The following CYP11A1 variants were observed in gnomAD, a reference collection of about 807,000 sequenced individuals.
The protein encoded by CYP11A1 is cytochrome P450 family 11 subfamily A member 1, also known as cholesterol side-chain cleavage enzyme, mitochondrial.
In CYP11A1, 25 loss-of-function variants were observed where a neutral mutation model predicts 51.9. The observed-to-expected ratio is 0.48, with a 90% CI of 0.35 to 0.67. The LOEUF (loss-of-function observed/expected upper bound fraction) is 0.67. Among genes scored for constraint, CYP11A1 ranks in the 30% least tolerant of loss-of-function variants. The pLI is 0.00. For missense variants in CYP11A1, 578 were observed against 680.9 expected (o/e 0.85, Z 1.68); for synonymous variants, 245 against 262.1 (o/e 0.93, Z 0.63).
intron 7 of CYP11A1, 32 bp from the exon 8 acceptor site, chr15:74,338,800 C>T (rs995747544): frequency 3.1e-6 from 5 of 1,592,042 alleles, no homozygotes; most frequent in Non-Finnish European, 4.3e-6. Context: ...CCTGAGTAAG[C>T]CCCACTTCCC....
chr15:74,343,608 A>T (rs1362905464), intron 4 of CYP11A1, among the ~76,000 whole-genome samples, 181 bp downstream of exon 4: 2 of 152,120 alleles, frequency 1.3e-5, no homozygotes, highest in African/African-American at 4.8e-5. Flanking sequence ...AATAATCCCC[A>T]ACAGCCAGCC....
intron 1 of CYP11A1, among the ~76,000 whole-genome samples, chr15:74,355,083 T>C (rs977623758): frequency 6.6e-6 from 1 of 151,844 alleles, no homozygotes; most frequent in African/African-American, 2.4e-5. Context: ...GGGGCAGGCA[T>C]CCCCCACACC....
intron 1 of CYP11A1, among the ~76,000 whole-genome samples, chr15:74,353,939 C>T (rs2060666328): frequency 6.6e-6 from 1 of 152,102 alleles, no homozygotes; most frequent in Non-Finnish European, 1.5e-5. Flanking sequence ...GCTTTTTTAT[C>T]CTTAAACTAA....
In CYP11A1 at chr15:74,367,485, G is replaced by C; in HGVS notation, c.101C>G (p.Thr34Ser). 1.2e-6 allele frequency: 2 copies of C among 1,614,224 alleles called. No individual in the cohort carries two copies. The highest frequency in any genetic ancestry group is 8.5e-7 in the Non-Finnish European group (1 of 1,180,028). The change falls in exon 1 of 9, where the codon ACT (threonine) becomes AGT (serine). Residue 34 changes from threonine to serine, a missense_variant. Coordinates refer to ENST00000268053, the MANE Select transcript of CYP11A1 (RefSeq NM_000781.3). ...REGLGRLRVP[T>S]GEGAGISTRS... Reference sequence around the variant, plus strand: ...GGTGGAGATGCCAGCTCCCTCGCCAGTGGGCACCCTGAGACGCCCCAGCCC... The same window carrying C: ...GGTGGAGATGCCAGCTCCCTCGCCACTGGGCACCCTGAGACGCCCCAGCCC...
chr15:74,344,850 G>A lies in CYP11A1; in HGVS notation c.625+194C>T, dbSNP rs116566189. 498 of 656,578 alleles carry A rather than the reference G, an allele frequency of 7.6e-4. 2 individuals are homozygous for A. In the African/African-American group the frequency reaches 7.9e-3, roughly 10 times the overall value. The allele number at this position is 656,578 out of a possible 1,614,324, so 40.7% of individuals were successfully genotyped here. A position where few individuals can be genotyped will look rare whatever the true frequency, so the allele number is the denominator to read the frequency against. ...CCAGATGAGAGAACCCCAGAGCAAG[G>A]GGTCTCACTCTGTTGCCCAGGGTGG... On this transcript the variant is annotated intron_variant, in intron 3 of 8. Coordinates refer to ENST00000268053, the MANE Select transcript of CYP11A1 (RefSeq NM_000781.3).
chr15:74,340,475 T>C (rs988762204), intron 5 of CYP11A1, among the ~76,000 whole-genome samples: 1 of 152,158 alleles, frequency 6.6e-6, no homozygotes, highest in Non-Finnish European at 1.5e-5. Flanking sequence ...GACTAGGACA[T>C]GGGTTGTTGA....
intron 1 of CYP11A1, chr15:74,363,760 A>T (rs1056801618): frequency 6.6e-6 from 1 of 152,374 alleles, no homozygotes; most frequent in East Asian, 1.9e-4. Context: ...TATAAATGAC[A>T]TGCTGAGACC....
chr15:74,339,871 T>A, intron 5 of CYP11A1, 118 bp from the exon 6 acceptor site: 1 of 954,432 alleles, frequency 1.0e-6, no homozygotes, highest in Non-Finnish European at 1.6e-6. Flanking sequence ...CCGAACCCCA[T>A]CCCAGTCTCC....
intron 3 of CYP11A1, among the ~76,000 whole-genome samples, chr15:74,344,430 C>G (rs1303949281): frequency 6.6e-6 from 1 of 152,200 alleles, no homozygotes; most frequent in Non-Finnish European, 1.5e-5. Context: ...CTTGCTGGAC[C>G]TAAGAAGTTA....
In CYP11A1 at chr15:74,361,916, G is replaced by A. The variant is rs1400052853; in HGVS notation, c.269+5401C>T. 7.1e-6 allele frequency: 8 copies of A among 1,120,190 alleles called. No homozygotes were observed. The Admixed American group carries it at 1.4e-4, about 19-fold the overall frequency. The allele number at this position is 1,120,190 out of a possible 1,614,324, so 69.4% of individuals were successfully genotyped here. ...TCTGCACTGACAAGACTGAGTGGTGGATGGCAAGCATGTGGTCTTTGGCAA... is the reference window on the plus strand; with the variant it reads ...TCTGCACTGACAAGACTGAGTGGTGAATGGCAAGCATGTGGTCTTTGGCAA... On this transcript the variant is annotated intron_variant, in intron 1 of 8. Coordinates refer to ENST00000268053, the MANE Select transcript of CYP11A1 (RefSeq NM_000781.3).
At chr15:74,338,192 GA>G in intron 8 of CYP11A1, 89 bp from the exon 9 acceptor site, 6 of 1,528,276 alleles carry the variant, frequency 3.9e-6, no homozygotes, top group African/African-American at 1.4e-5. Flanking sequence ...AGTGCCTGTG[GA>G]GTGTGATTTG....
chr15:74,348,292 C>T, intron 1 of CYP11A1: 1 of 561,392 alleles, frequency 1.8e-6, no homozygotes, highest in Non-Finnish European at 3.2e-6. Flanking sequence ...CTTTGTTAAA[C>T]ATTCTACAAG....
At chr15:74,364,016 T>A (rs547097607) in intron 1 of CYP11A1, 1 of 152,358 alleles carries the variant, frequency 6.6e-6, no homozygotes, top group Admixed American at 6.5e-5. Context: ...TTTTTTCTTC[T>A]GCAAATCACT....
At chr15:74,351,550 T>C (rs2060656702) in intron 1 of CYP11A1, among the ~76,000 whole-genome samples, 1 of 152,196 alleles carries the variant, frequency 6.6e-6, no homozygotes, top group South Asian at 2.1e-4. Context: ...AAAGCCTGCA[T>C]GTGATGCCCA....
chr15:74,345,238 G>C lies in CYP11A1; in HGVS notation c.431C>G (p.Ser144Trp), dbSNP rs549043326. The change falls in exon 3 of 9, where the codon TCG becomes TGG. Residue 144 changes from serine (S) to tryptophan (W), a missense_variant. By Grantham distance (177) the Ser-to-Trp change is radical. Transcript: ENST00000268053. This position sits in a 1 kb window ranked among gnomAD's most constrained non-coding sequence, Gnocchi z 4.3. The stretch of plus-strand genomic sequence containing the variant: ...CACCCGGTCTTTCTTCCAGGCTGCC[G>C]ACTTCCTGAGAAAACATGGGCCCAC... ...QRPIGVLLKK[S>W]AAWKKDRVAL... 1 of 1,613,978 alleles carries C rather than the reference G, an allele frequency of 6.2e-7. No individual in the cohort carries two copies. The highest frequency in any genetic ancestry group is 8.5e-7 in the Non-Finnish European group (1 of 1,180,036).
chr15:74,359,644 C>T (rs972834376), intron 1 of CYP11A1: 5 of 152,250 alleles, frequency 3.3e-5, no homozygotes, highest in African/African-American at 9.6e-5. Flanking sequence ...ATGACCTACC[C>T]AAATCCTATA....
chr15:74,340,093 AG>A (rs1197527223), intron 5 of CYP11A1, among the ~76,000 whole-genome samples: 1 of 152,204 alleles, frequency 6.6e-6, no homozygotes, highest in Non-Finnish European at 1.5e-5. Context: ...AGGCCCTTAG[AG>A]GCCAAATCCT....
At position 74,361,830 on chromosome 15, in the gene CYP11A1, C is replaced by T. The variant is rs1346156024; in HGVS notation, c.269+5487G>A. On this transcript the variant is annotated intron_variant, in intron 1 of 8. Transcript: ENST00000268053. ...TGAGAACTTCATCCTAAGGCATACA[C>T]GTCCTGGCATCTTGTCCATGGCAAA... is the stretch of plus-strand genomic sequence containing the variant. 20 of 1,167,346 alleles carry T rather than the reference C, an allele frequency of 1.7e-5. No homozygotes were observed. The East Asian group carries it at 1.9e-4, about 11-fold the overall frequency. The allele number at this position is 1,167,346 out of a possible 1,614,324, so 72.3% of individuals were successfully genotyped here.
Position 74,367,588 on chromosome 15 carries a change from TG to T in CYP11A1, c.-4del. ...GGGGGAAGACCCTTGGCCAGCATGC[TG>T]TCCCCACAGCTGTGACTGTACCTGC... On this transcript the variant is annotated 5_prime_UTR_variant, in exon 1 of 9. Coordinates refer to ENST00000268053, the MANE Select transcript of CYP11A1 (RefSeq NM_000781.3). 2 of 1,613,334 alleles carry T rather than the reference TG, an allele frequency of 1.2e-6. No individual in the cohort carries two copies. Among genetic ancestry groups the T allele is most frequent in the Non-Finnish European group, 1.7e-6 (2 of 1,179,878 alleles).
Sources: gnomAD v4.1 joint callset for allele counts (sites outside exome capture counted in the v4.1 genomes callset) on GRCh38, gnomAD v4.1.1 for gene constraint, Gnocchi (gnomAD v3.1) non-coding constraint, MANE v1.5 for transcripts, NCBI Gene and HGNC (gene_info 2026-07-23, HGNC 2026-07-21) for gene names.